C1orf21: variants seen among roughly 807,000 people sequenced by gnomAD.
The protein encoded by C1orf21 is uncharacterized protein C1orf21.
A neutral mutation model predicts 18.7 loss-of-function variants in C1orf21; 3 were observed. That is an observed-to-expected ratio of 0.16 (90% CI 0.07 to 0.42). The LOEUF (loss-of-function observed/expected upper bound fraction) is 0.42, where lower values mean the gene tolerates loss of function less well. Among genes scored for constraint, C1orf21 ranks in the 10% least tolerant of loss-of-function variants. The pLI is 0.99. For synonymous variants in C1orf21, 41 were observed against 46.4 expected (o/e 0.88, Z 0.47); for missense variants, 104 against 143.6 (o/e 0.72, Z 1.41).
intron 1 of C1orf21, among the ~76,000 whole-genome samples, chr1:184,441,147 G>T (rs1040613680): frequency 6.6e-6 from 1 of 152,108 alleles, no homozygotes; most frequent in Non-Finnish European, 1.5e-5. Context: ...AGCACACCTA[G>T]GCATTTTTAC....
At chr1:184,528,423 A>G (rs1658409627) in intron 3 of C1orf21, among the ~76,000 whole-genome samples, 1 of 151,942 alleles carries the variant, frequency 6.6e-6, no homozygotes, top group Non-Finnish European at 1.5e-5. Flanking sequence ...TCTTAGCATT[A>G]TATCATTTTC....
At chr1:184,597,625 C>CT (rs1488564664) in intron 4 of C1orf21, among the ~76,000 whole-genome samples, 1 of 152,184 alleles carries the variant, frequency 6.6e-6, no homozygotes, top group African/African-American at 2.4e-5. Flanking sequence ...CAGCTATCTG[C>CT]TAGGTAGAAG....
intron 1 of C1orf21, among the ~76,000 whole-genome samples, chr1:184,450,963 T>A (rs1657111689): frequency 6.6e-6 from 1 of 152,154 alleles, no homozygotes; most frequent in African/African-American, 2.4e-5. Context: ...CTGCAACTTC[T>A]GCCTCCTGGG....
chr1:184,436,550 C>T (rs961261808), intron 1 of C1orf21, among the ~76,000 whole-genome samples: 1 of 151,914 alleles, frequency 6.6e-6, no homozygotes, highest in Admixed American at 6.6e-5. Flanking sequence ...CTTGACATAG[C>T]AACATGCTTC....
intron 1 of C1orf21, among the ~76,000 whole-genome samples, chr1:184,438,517 A>G (rs1013794441): frequency 6.6e-6 from 1 of 152,338 alleles, no homozygotes; most frequent in Non-Finnish European, 1.5e-5. Context: ...CACTCCATGT[A>G]GAAAATGATC....
chr1:184,423,399 A>G (rs932510540), intron 1 of C1orf21, among the ~76,000 whole-genome samples: 1 of 152,184 alleles, frequency 6.6e-6, no homozygotes, highest in Non-Finnish European at 1.5e-5. Flanking sequence ...AAAAATGAAT[A>G]AAAGTCCTTA....
At chr1:184,467,667 A>G (rs1052172030) in intron 1 of C1orf21, among the ~76,000 whole-genome samples, 1 of 152,148 alleles carries the variant, frequency 6.6e-6, no homozygotes. Context: ...TGTCTTGACC[A>G]TCTCTTCTTT....
intron 5 of C1orf21, among the ~76,000 whole-genome samples, chr1:184,604,328 G>A (rs991812204): frequency 5.3e-5 from 8 of 152,168 alleles, no homozygotes; most frequent in South Asian, 2.1e-4. Context: ...TGCAGAGAAA[G>A]TCATGGTGTG....
chr1:184,444,351 TG>T (rs1656996058), intron 1 of C1orf21, among the ~76,000 whole-genome samples: 1 of 152,072 alleles, frequency 6.6e-6, no homozygotes, highest in African/African-American at 2.4e-5. Context: ...ATTTGAATCA[TG>T]GGGTCAGTTT....
intron 1 of C1orf21, among the ~76,000 whole-genome samples, chr1:184,422,919 T>C (rs1656568971): frequency 6.6e-6 from 1 of 152,248 alleles, no homozygotes; most frequent in Admixed American, 6.5e-5. Context: ...ATTGACTTGC[T>C]GCAGGGAAAG....
intron 2 of C1orf21, among the ~76,000 whole-genome samples, chr1:184,495,006 C>T (rs780782061): frequency 1.3e-5 from 2 of 152,194 alleles, no homozygotes; most frequent in East Asian, 1.9e-4. Flanking sequence ...GCCCTAGAAC[C>T]TCCTGGGACT....
At chr1:184,390,076 G>C (rs1655948139) in intron 1 of C1orf21, among the ~76,000 whole-genome samples, 2 of 152,340 alleles carry the variant, frequency 1.3e-5, no homozygotes, top group South Asian at 4.1e-4. Flanking sequence ...GAGGGAGATT[G>C]TAGGATACTG....
At chr1:184,584,794 T>C (rs1307526492) in intron 3 of C1orf21, among the ~76,000 whole-genome samples, 1 of 152,252 alleles carries the variant, frequency 6.6e-6, no homozygotes, top group East Asian at 1.9e-4. Flanking sequence ...AAAAACATTA[T>C]GCCAAGTGAA....
At chr1:184,586,441 G>A (rs1048475517) in intron 3 of C1orf21, among the ~76,000 whole-genome samples, 1 of 151,860 alleles carries the variant, frequency 6.6e-6, no homozygotes, top group African/African-American at 2.4e-5. Context: ...CCGCCACCTC[G>A]CCCGGCTAAT....
chr1:184,596,608 G>A (rs982427302), intron 4 of C1orf21, among the ~76,000 whole-genome samples: 4 of 152,106 alleles, frequency 2.6e-5, no homozygotes, highest in Non-Finnish European at 4.4e-5. Flanking sequence ...AGTGGCTTAC[G>A]CCTATAATCC....
At chr1:184,516,885 T>C (rs1225004434) in intron 3 of C1orf21, among the ~76,000 whole-genome samples, 2 of 152,188 alleles carry the variant, frequency 1.3e-5, no homozygotes, top group Admixed American at 1.3e-4. Flanking sequence ...CCTGATCAGA[T>C]GAAATGCTTC....
intron 1 of C1orf21, among the ~76,000 whole-genome samples, chr1:184,467,066 C>T (rs1157954037): frequency 6.6e-6 from 1 of 151,970 alleles, no homozygotes; most frequent in Non-Finnish European, 1.5e-5. Flanking sequence ...TATGATGGCC[C>T]AGATAAACAT....
chr1:184,606,003 T>G (rs1343022782), intron 5 of C1orf21, among the ~76,000 whole-genome samples: 2 of 152,214 alleles, frequency 1.3e-5, no homozygotes, highest in Non-Finnish European at 2.9e-5. Flanking sequence ...GGTACAAATA[T>G]CTCCTTGTAG....
At chr1:184,548,649 A>AG in intron 3 of C1orf21, among the ~76,000 whole-genome samples, 1 of 152,260 alleles carries the variant, frequency 6.6e-6, no homozygotes, top group South Asian at 2.1e-4. Context: ...GAGAAAAAAA[A>AG]ATTACATCTT....
Sources: gnomAD v4.1 joint callset for allele counts (sites outside exome capture counted in the v4.1 genomes callset) on GRCh38, gnomAD v4.1.1 for gene constraint, MANE v1.5 for transcripts, NCBI Gene and HGNC (gene_info 2026-07-23, HGNC 2026-07-21) for gene names.